The following POF1B variants were observed in gnomAD, a reference collection of about 807,000 sequenced individuals.
POF1B encodes the protein POF1B actin binding protein, also known as protein POF1B.
POF1B carries 53 observed loss-of-function variants against 55.3 expected under a neutral mutation model. The ratio of observed to expected loss-of-function variants is 0.96; its 90% CI spans 0.77 to 1.20. The LOEUF (loss-of-function observed/expected upper bound fraction) is 1.20. Among genes scored for constraint, POF1B ranks in the 50% most tolerant of loss-of-function variants. The pLI, the probability that POF1B is intolerant of heterozygous loss-of-function variation, is 0.00. For missense variants in POF1B, 478 were observed against 420.5 expected (o/e 1.14, Z -1.20); for synonymous variants, 188 against 148.3 (o/e 1.27, Z -1.95).
At chrX:85,283,230 T>A (rs1931949499) in intron 15 of POF1B, among the ~76,000 whole-genome samples, 1 of 111,299 alleles carries the variant, frequency 9.0e-6, no homozygotes, top group South Asian at 3.7e-4. Flanking sequence ...CAATGGACGA[T>A]ACGACTAATA....
intron 3 of POF1B, among the ~76,000 whole-genome samples, chrX:85,361,528 G>C (rs928754912): frequency 1.8e-5 from 2 of 110,896 alleles, no homozygotes; most frequent in African/African-American, 6.6e-5. Flanking sequence ...GTAGGTGTGC[G>C]GCCTTTTTTC....
At chrX:85,308,614 G>A (rs767999641) in intron 9 of POF1B, among the ~76,000 whole-genome samples, 2 of 111,235 alleles carry the variant, frequency 1.8e-5, no homozygotes, top group Non-Finnish European at 3.8e-5. Context: ...GAGGTGAGAA[G>A]AATATAATTA....
chrX:85,286,652 A>G (rs1932061390), intron 15 of POF1B, among the ~76,000 whole-genome samples: 1 of 111,684 alleles, frequency 9.0e-6, no homozygotes, highest in African/African-American at 3.2e-5. Flanking sequence ...GAGTAGTTAT[A>G]TAAATATCAG....
At chrX:85,362,327 T>C (rs183983308) in intron 3 of POF1B, among the ~76,000 whole-genome samples, 1 of 111,657 alleles carries the variant, frequency 9.0e-6, no homozygotes, top group African/African-American at 3.3e-5. Context: ...ATGCCAGTTT[T>C]CAAGCGGAAT....
intron 6 of POF1B, among the ~76,000 whole-genome samples, chrX:85,337,663 T>A (rs1933100598): frequency 8.9e-6 from 1 of 111,842 alleles, no homozygotes; most frequent in Non-Finnish European, 1.9e-5. Flanking sequence ...TGAAGACTTC[T>A]TTATAACAGT....
chrX:85,364,839 G>A (rs1933688822), intron 3 of POF1B, among the ~76,000 whole-genome samples: 1 of 112,161 alleles, frequency 8.9e-6, no homozygotes, highest in African/African-American at 3.2e-5. Flanking sequence ...ATCCTCAAAT[G>A]TGTTTTCCAA....
At chrX:85,311,957 G>T (rs1275008930) in intron 9 of POF1B, among the ~76,000 whole-genome samples, 1 of 111,890 alleles carries the variant, frequency 8.9e-6, no homozygotes, top group Non-Finnish European at 1.9e-5. Flanking sequence ...ATGTTTGTTG[G>T]CTGCATTAAT....
chrX:85,327,069 C>A (rs1407844275), intron 7 of POF1B, among the ~76,000 whole-genome samples: 1 of 110,912 alleles, frequency 9.0e-6, no homozygotes, highest in African/African-American at 3.3e-5. Context: ...GGCTCCCACA[C>A]CAACCCTCTG....
At chrX:85,371,226 CTTTAAG>C (rs1933814622) in intron 2 of POF1B, among the ~76,000 whole-genome samples, 1 of 111,741 alleles carries the variant, frequency 8.9e-6, no homozygotes, top group Admixed American at 9.5e-5. Context: ...ATTAGAGGAT[CTTTAAG>C]TTTGTTTCTG....
At chrX:85,332,496 C>G (rs999920052) in intron 6 of POF1B, among the ~76,000 whole-genome samples, 1 of 111,131 alleles carries the variant, frequency 9.0e-6, no homozygotes, top group African/African-American at 3.3e-5. Context: ...GGTTACACTC[C>G]ATACTACTTT....
At chrX:85,304,807 ATT>A (rs1569282531) in intron 13 of POF1B, among the ~76,000 whole-genome samples, 1 of 111,607 alleles carries the variant, frequency 9.0e-6, no homozygotes, top group Non-Finnish European at 1.9e-5. Context: ...AATTACTACT[ATT>A]ATATTCTGAT....
intron 7 of POF1B, among the ~76,000 whole-genome samples, chrX:85,325,196 T>A (rs2147920884): frequency 9.0e-6 from 1 of 111,483 alleles, no homozygotes; most frequent in Non-Finnish European, 1.9e-5. Context: ...TTTGCAGGGG[T>A]TCTCTGCATT....
At chrX:85,342,276 T>C (rs1473808474) in intron 6 of POF1B, among the ~76,000 whole-genome samples, 3 of 111,754 alleles carry the variant, frequency 2.7e-5, no homozygotes, top group Non-Finnish European at 5.7e-5. Context: ...GTTTTAGATA[T>C]CTGATTTTGA....
intron 5 of POF1B, among the ~76,000 whole-genome samples, chrX:85,349,237 T>C (rs1933331272): frequency 9.0e-6 from 1 of 111,547 alleles, no homozygotes; most frequent in Non-Finnish European, 1.9e-5. Context: ...AATGCATTAG[T>C]TCCTATGAAT....
chrX:85,305,886 T>C lies in POF1B; in HGVS notation c.1342A>G (p.Met448Val). 4.1e-6 allele frequency: 5 copies of C among 1,209,960 alleles called. No homozygotes were observed. In the South Asian group the frequency reaches 5.3e-5, roughly 13 times the overall value. Residue 448 changes from methionine (M) to valine (V), a missense_variant, in exon 13 of 17, where the codon ATG becomes GTG. Met to Val is a conservative substitution (Grantham distance 21). Transcript: ENST00000262753. Reference protein sequence around the residue: ...MQVSETCTGPMLQAKMDEIGN... With the variant: ...MQVSETCTGPVLQAKMDEIGN... The stretch of plus-strand genomic sequence containing the variant: ...ATCTCATCCATTTTAGCCTGCAACA[T>C]TGGGCCTGTGCAAGTCTCAGAAACC...
chrX:85,321,672 A>C (rs1932839265), intron 7 of POF1B, among the ~76,000 whole-genome samples: 2 of 102,302 alleles, frequency 2.0e-5, no homozygotes. Flanking sequence ...TGCAGACGAC[A>C]TGATTGTATA....
chrX:85,379,546 C>A (rs1933979649), intron 1 of POF1B, 51 bp from the exon 2 acceptor site: 44 of 969,458 alleles, frequency 4.5e-5, no homozygotes, highest in Non-Finnish European at 6.1e-5. Flanking sequence ...GGCAAGCAGG[C>A]AGTCAGGCAG....
chrX:85,295,698 T>C (rs1377603675), intron 15 of POF1B, among the ~76,000 whole-genome samples: 1 of 111,822 alleles, frequency 8.9e-6, no homozygotes, highest in Non-Finnish European at 1.9e-5. Context: ...TGTTTTGTGG[T>C]TGTTGGGTGG....
chrX:85,357,027 C>A (rs1305928735), intron 4 of POF1B, among the ~76,000 whole-genome samples: 1 of 111,326 alleles, frequency 9.0e-6, no homozygotes, highest in Non-Finnish European at 1.9e-5. Context: ...TCATCAAATT[C>A]TTTACTACGT....
Sources: allele counts gnomAD v4.1 joint callset (sites outside exome capture counted in the v4.1 genomes callset), GRCh38; gene constraint gnomAD v4.1.1; transcripts MANE v1.5; gene names NCBI Gene and HGNC (gene_info 2026-07-23, HGNC 2026-07-21).